CCDC181: variants seen among roughly 807,000 people sequenced by gnomAD.
CCDC181 encodes the protein coiled-coil domain-containing protein 181.
In CCDC181, 35 loss-of-function variants were observed where a neutral mutation model predicts 58.7. That is an observed-to-expected ratio of 0.60 (90% CI 0.46 to 0.79). CCDC181 has a LOEUF of 0.79. Ranked by LOEUF, CCDC181 falls within the 30% of genes least tolerant of loss-of-function variation. The probability of loss-of-function intolerance (pLI) is 0.00; values close to 1 mark genes in which losing one functional copy is unlikely to be tolerated. For synonymous variants in CCDC181, 183 were observed against 197.5 expected (o/e 0.93, Z 0.62); for missense variants, 517 against 583.9 (o/e 0.89, Z 1.18).
At position 169,419,107 on chromosome 1, in the gene CCDC181, A is replaced by G. The variant is rs543591177; in HGVS notation, c.1121T>C (p.Ile374Thr). 8 of 1,612,338 alleles carry G rather than the reference A, an allele frequency of 5.0e-6. No homozygotes were observed. The Admixed American group carries it at 8.4e-5, about 17-fold the overall frequency. The change falls in exon 4 of 6, where the codon ATA becomes ACA. Residue 374 changes from isoleucine to threonine, a missense_variant. By Grantham distance (89) the Ile-to-Thr change is moderately conservative (BLOSUM62 -1). Transcript: ENST00000367806. ...CTTTTGCAACCACGCTTTAAATACT[A>G]TGTCATTCTCTCTCTTTTTTTCTTT... ...EEKEKKREND[I>T]VFKAWLQKKR...
At chr1:169,428,845 G>A (rs1571502012), upstream of CCDC181, among the ~76,000 whole-genome samples, 2 of 152,068 alleles carry the variant, frequency 1.3e-5, no homozygotes, top group East Asian at 3.9e-4. Flanking sequence ...AGTAGAGATG[G>A]GTTTTCACCA....
rs2101746131 is a variant in CCDC181 at position 169,439,118 on chromosome 1, G to A, written c.-23-14168C>T. 1.3e-5 allele frequency among the ~76,000 whole-genome samples: 2 copies of A among 152,078 alleles called. 1 individual carries two copies. Among genetic ancestry groups the A allele is most frequent in the African/African-American group, 4.8e-5 (2 of 41,486 alleles). On this transcript the variant is annotated intron_variant, in intron 2 of 6. Coordinates refer to the CCDC181 transcript ENST00000545005. ...CTATATCCAAACCAAGACCCCCAAA[G>A]GAGCTGAACTGAGACAGACACCCCA...
upstream of CCDC181, among the ~76,000 whole-genome samples, chr1:169,431,992 G>T (rs1333000861): frequency 6.6e-6 from 1 of 152,026 alleles, no homozygotes; most frequent in Non-Finnish European, 1.5e-5. Flanking sequence ...CATTTACAGA[G>T]AAAAGTATAA....
chr1:169,420,146 A>G (rs1182828069), intron 3 of CCDC181, among the ~76,000 whole-genome samples: 1 of 152,164 alleles, frequency 6.6e-6, no homozygotes, highest in Non-Finnish European at 1.5e-5. Flanking sequence ...CACCTGTATA[A>G]CTTTTGTAAA....
At chr1:169,428,630 G>A (rs1467520485), upstream of CCDC181, among the ~76,000 whole-genome samples, 3 of 151,904 alleles carry the variant, frequency 2.0e-5, no homozygotes, top group African/African-American at 7.2e-5. Context: ...TACCCAATAT[G>A]TAGAGTTTTT....
chr1:169,425,904 T>C (rs1656690015), intron 1 of CCDC181, among the ~76,000 whole-genome samples: 2 of 152,138 alleles, frequency 1.3e-5, no homozygotes, highest in Admixed American at 1.3e-4. Context: ...GCCTGAAGAC[T>C]TTAGTAGATA....
At chr1:169,405,359 A>G (rs1418379913) in intron 4 of CCDC181, among the ~76,000 whole-genome samples, 1 of 152,238 alleles carries the variant, frequency 6.6e-6, no homozygotes, top group Non-Finnish European at 1.5e-5. Flanking sequence ...GACAATCCTA[A>G]GCAAAAAGAA....
At chr1:169,426,869 G>A (rs1229784858) in intron 1 of CCDC181, among the ~76,000 whole-genome samples, 1 of 152,074 alleles carries the variant, frequency 6.6e-6, no homozygotes, top group East Asian at 1.9e-4. Flanking sequence ...ATATTTTATG[G>A]ACTTTAGGTG....
At chr1:169,404,735 TTTGAAAAC>T (rs1655553560) in intron 4 of CCDC181, among the ~76,000 whole-genome samples, 1 of 152,186 alleles carries the variant, frequency 6.6e-6, no homozygotes, top group Non-Finnish European at 1.5e-5. Context: ...AAGCATTCCC[TTTGAAAAC>T]TGGCACAAGA....
chr1:169,445,573 A>C (rs1373566836), intron 2 of CCDC181, among the ~76,000 whole-genome samples: 1 of 152,170 alleles, frequency 6.6e-6, no homozygotes, highest in African/African-American at 2.4e-5. Flanking sequence ...ATCAATGTTC[A>C]TGAGAGATCA....
In CCDC181 at chr1:169,395,115, T is replaced by C; in HGVS notation, c.1462A>G (p.Lys488Glu). 5 of 1,613,870 alleles carry C rather than the reference T, an allele frequency of 3.1e-6. No individual in the cohort carries two copies. The highest frequency in any genetic ancestry group is 4.2e-6 in the Non-Finnish European group (5 of 1,179,906). ...RQLRLEAKRS[K>E]QLQHHLYMSE... Reference sequence around the variant, plus strand: ...ATATATAGGTGGTGCTGTAACTGTTTAGAACGCTTAGCTTCTAGTCGGAGC... The same window carrying C: ...ATATATAGGTGGTGCTGTAACTGTTCAGAACGCTTAGCTTCTAGTCGGAGC... The change falls in exon 6 of 6, where the codon AAA becomes GAA. Residue 488 changes from lysine to glutamate, a missense_variant. Physicochemically the swap from Lys to Glu is moderately conservative, Grantham distance 56 (BLOSUM62 1). Transcript: ENST00000367806.
In CCDC181 at chr1:169,419,011, A is replaced by T; in HGVS notation, c.1215+2T>A. ...CTTATTTTTCAGAGAAGTTTTACTT[A>T]CTCTACTGTTCATGTCTTCAATTTC... is the stretch of plus-strand genomic sequence containing the variant. On this transcript the variant is annotated splice_donor_variant, in intron 4 of 5. Coordinates refer to ENST00000367806, the MANE Select transcript of CCDC181 (RefSeq NM_001300969.2). LOFTEE classifies it high-confidence loss of function. The T allele has an allele frequency of 6.2e-7, 1 of 1,604,002 alleles. No homozygotes were observed. The highest frequency in any genetic ancestry group is 8.5e-7 in the Non-Finnish European group (1 of 1,171,878).
intron 4 of CCDC181, 44 bp from the exon 5 acceptor site, chr1:169,397,435 C>T: frequency 6.6e-7 from 1 of 1,523,328 alleles, no homozygotes; most frequent in Non-Finnish European, 8.8e-7. Flanking sequence ...TAAACAAGAA[C>T]TACATTTTGA....
At chr1:169,412,514 GA>G in intron 4 of CCDC181, among the ~76,000 whole-genome samples, 1 of 152,138 alleles carries the variant, frequency 6.6e-6, no homozygotes, top group African/African-American at 2.4e-5. Context: ...CACAGAATTA[GA>G]AAAAACTTCT....
Position 169,439,825 on chromosome 1 carries a change from TAG to T in CCDC181, c.-23-14877_-23-14876del, listed in dbSNP as rs1429697519. ...GATAGGTGGGAAGCTGGAAAGGGAA[TAG>T]AGTGATAAGATGATCTTTCCCTGAA... On this transcript the variant is annotated intron_variant, in intron 2 of 6. Transcript: ENST00000545005. Among the ~76,000 whole-genome samples, 3 of 152,216 alleles carry T rather than the reference TAG, an allele frequency of 2.0e-5. No homozygotes were observed. The East Asian group carries it at 5.8e-4, about 29-fold the overall frequency.
intron 2 of CCDC181, among the ~76,000 whole-genome samples, chr1:169,444,128 T>C (rs1657308624): frequency 6.6e-6 from 1 of 152,148 alleles, no homozygotes; most frequent in African/African-American, 2.4e-5. Flanking sequence ...GAAGATACCT[T>C]TATGGCAAAA....
At chr1:169,416,863 A>G (rs991070951) in intron 4 of CCDC181, among the ~76,000 whole-genome samples, 1 of 152,190 alleles carries the variant, frequency 6.6e-6, no homozygotes, top group Admixed American at 6.5e-5. Flanking sequence ...CAAATGGCAT[A>G]ATAAACACTG....
chr1:169,459,204 A>G (rs1442337811), intron 2 of CCDC181, among the ~76,000 whole-genome samples: 2 of 152,212 alleles, frequency 1.3e-5, no homozygotes, highest in Non-Finnish European at 2.9e-5. Context: ...GCAAAATTTT[A>G]TTTGCATTAT....
intron 2 of CCDC181, among the ~76,000 whole-genome samples, chr1:169,444,847 T>C (rs1657328719): frequency 6.6e-6 from 1 of 152,190 alleles, no homozygotes; most frequent in African/African-American, 2.4e-5. Context: ...AAAGAGAGAC[T>C]ATCTCCCAAG....
Sources: allele counts gnomAD v4.1 joint callset (sites outside exome capture counted in the v4.1 genomes callset), GRCh38; gene constraint gnomAD v4.1.1; transcripts MANE v1.5; gene names NCBI Gene and HGNC (gene_info 2026-07-23, HGNC 2026-07-21).